NR2F1-AS1: variants seen among roughly 807,000 people sequenced by gnomAD.
The protein encoded by NR2F1-AS1 is NR2F1 antisense RNA 1.
chr5:93,431,790 C>T (rs1207141618), intron 4 of NR2F1-AS1, among the ~76,000 whole-genome samples: 1 of 152,166 alleles, frequency 6.6e-6, no homozygotes, highest in Non-Finnish European at 1.5e-5. Context: ...GTGCTCTTCA[C>T]TTACTTAAAG....
intron 4 of NR2F1-AS1, among the ~76,000 whole-genome samples, chr5:93,530,868 G>C (rs1289947957): frequency 6.6e-6 from 1 of 151,886 alleles, no homozygotes; most frequent in Non-Finnish European, 1.5e-5. Flanking sequence ...TCAGTGATTT[G>C]TCTAAGGTTA....
At chr5:93,535,779 C>T (rs1298909901) in intron 4 of NR2F1-AS1, among the ~76,000 whole-genome samples, 1 of 152,060 alleles carries the variant, frequency 6.6e-6, no homozygotes, top group Non-Finnish European at 1.5e-5. Context: ...TGACAAAATT[C>T]AACTTCTCTC....
At chr5:93,575,719 G>A (rs114094779) in intron 1 of NR2F1-AS1, among the ~76,000 whole-genome samples, 2,578 of 151,826 alleles carry the variant, frequency 0.017, 82 homozygotes, top group African/African-American at 0.058. Context: ...GTTCTTAATT[G>A]TTTGCTTTTT....
chr5:93,557,638 G>A (rs997333993), intron 2 of NR2F1-AS1, among the ~76,000 whole-genome samples: 3 of 152,132 alleles, frequency 2.0e-5, no homozygotes, highest in African/African-American at 7.2e-5. Flanking sequence ...TTTGCTAGTG[G>A]AGAGTCTTGC....
intron 4 of NR2F1-AS1, among the ~76,000 whole-genome samples, chr5:93,512,575 C>T (rs1580291151): frequency 2.0e-5 from 3 of 152,130 alleles, no homozygotes; most frequent in African/African-American, 4.8e-5. Flanking sequence ...CAGTAATGTC[C>T]GAAGTTTTCA....
At chr5:93,440,101 AG>A (rs1419229173) in intron 4 of NR2F1-AS1, among the ~76,000 whole-genome samples, 2 of 152,134 alleles carry the variant, frequency 1.3e-5, no homozygotes, top group African/African-American at 4.8e-5. Context: ...AAAAAGGAGG[AG>A]AAGGAAAGTT....
chr5:93,557,747 G>T (rs1752393397), intron 2 of NR2F1-AS1, among the ~76,000 whole-genome samples: 1 of 152,102 alleles, frequency 6.6e-6, no homozygotes, highest in South Asian at 2.1e-4. Flanking sequence ...TTGCCCCATT[G>T]ATTGATTCTT....
chr5:93,409,518 T>C (rs1748806435), intron 4 of NR2F1-AS1: 1 of 152,104 alleles, frequency 6.6e-6, no homozygotes. Flanking sequence ...GAACAGGAAA[T>C]AAATATCTAC....
rs1223903040 is a variant in NR2F1-AS1, at chr5:93,465,501, G to A, written n.639-69959C>T. Among the ~76,000 whole-genome samples the A allele has an allele frequency of 2.6e-5, 4 of 152,208 alleles. No homozygotes were observed. In the East Asian group the frequency reaches 5.8e-4, roughly 22 times the overall value. ...GGGAGTGTAAATTAGTTCAACTATT[G>A]TGGAAGACAGTGTGGCAATTCCTCA... On this transcript the variant is annotated intron_variant and non_coding_transcript_variant, in intron 4 of 5. Coordinates refer to ENST00000660523, the Ensembl canonical transcript of NR2F1-AS1.
At chr5:93,458,904 C>T (rs917336860) in intron 4 of NR2F1-AS1, among the ~76,000 whole-genome samples, 6 of 151,780 alleles carry the variant, frequency 4.0e-5, no homozygotes, top group Admixed American at 2.0e-4. Flanking sequence ...CCCAGCTACT[C>T]GGGAGGCTGA....
At chr5:93,425,633 G>C (rs1046619362) in intron 4 of NR2F1-AS1, among the ~76,000 whole-genome samples, 14 of 152,072 alleles carry the variant, frequency 9.2e-5, no homozygotes, top group Non-Finnish European at 1.9e-4. Flanking sequence ...CACTTAAAAC[G>C]AACTCTCAAC....
chr5:93,514,522 A>C (rs1751363638), intron 4 of NR2F1-AS1, among the ~76,000 whole-genome samples: 2 of 152,242 alleles, frequency 1.3e-5, no homozygotes, highest in East Asian at 1.9e-4. Context: ...TCCCCTGCAA[A>C]TCTAGGAGAA....
At chr5:93,469,272 C>A (rs1367241144) in intron 4 of NR2F1-AS1, among the ~76,000 whole-genome samples, 1 of 152,008 alleles carries the variant, frequency 6.6e-6, no homozygotes, top group East Asian at 1.9e-4. Flanking sequence ...TTGTAGGCTA[C>A]AAACCCATAG....
At chr5:93,523,772 A>T (rs968196535) in intron 4 of NR2F1-AS1, among the ~76,000 whole-genome samples, 3 of 152,218 alleles carry the variant, frequency 2.0e-5, no homozygotes, top group African/African-American at 7.2e-5. Flanking sequence ...CCTGACTGTT[A>T]GAAGGAAAAT....
chr5:93,475,704 G>T (rs1281090760), intron 4 of NR2F1-AS1, among the ~76,000 whole-genome samples: 1 of 152,146 alleles, frequency 6.6e-6, no homozygotes, highest in African/African-American at 2.4e-5. Flanking sequence ...CTCATATGAT[G>T]AAAGAAAGCT....
intron 4 of NR2F1-AS1, among the ~76,000 whole-genome samples, chr5:93,477,549 T>C (rs1398802000): frequency 6.6e-6 from 1 of 152,208 alleles, no homozygotes; most frequent in Non-Finnish European, 1.5e-5. Context: ...ATTATTTTAC[T>C]TATTTTCACC....
At chr5:93,543,445 GA>G (rs1222741340) in intron 4 of NR2F1-AS1, 3 of 151,976 alleles carry the variant, frequency 2.0e-5, no homozygotes, top group Non-Finnish European at 2.9e-5. Context: ...TTCTAGAAAT[GA>G]AAACACAATG....
chr5:93,584,186 C>T (rs887429544), upstream of NR2F1-AS1: 3 of 148,668 alleles, frequency 2.0e-5, no homozygotes, highest in African/African-American at 4.9e-5. Context: ...GCGGCCCCGG[C>T]CTCCGCTCGC....
Position 93,459,937 on chromosome 5 carries a change from C to T in NR2F1-AS1, n.639-64395G>A, listed in dbSNP as rs552910950. Among the ~76,000 whole-genome samples, 5 of 152,228 alleles carry T rather than the reference C, an allele frequency of 3.3e-5. No individual in the cohort carries two copies. In the South Asian group the frequency reaches 8.3e-4, roughly 25 times the overall value. On this transcript the variant is annotated intron_variant and non_coding_transcript_variant, in intron 4 of 5. Transcript: ENST00000660523. ...CAGCTGATTCTACCATATGAAAATGCTGCAAGATTGTTTTTTACCCAAAAA... is the reference window on the plus strand; with the variant it reads ...CAGCTGATTCTACCATATGAAAATGTTGCAAGATTGTTTTTTACCCAAAAA...
Sources: allele counts gnomAD v4.1 joint callset (sites outside exome capture counted in the v4.1 genomes callset), GRCh38; gene constraint gnomAD v4.1.1; transcripts MANE v1.5; gene names NCBI Gene and HGNC (gene_info 2026-07-23, HGNC 2026-07-21).